Variants in GALNT13 observed in about 807,000 individuals in gnomAD.
GALNT13 encodes the protein polypeptide N-acetylgalactosaminyltransferase 13, also known as UDP-GalNAc:polypeptide N-acetylgalactosaminyltransferase 13.
A neutral mutation model predicts 64.2 loss-of-function variants in GALNT13; 28 were observed. That is an observed-to-expected ratio of 0.44 (90% confidence interval 0.32 to 0.60). The LOEUF (loss-of-function observed/expected upper bound fraction) is 0.60. Among genes scored for constraint, GALNT13 ranks in the 20% least tolerant of loss-of-function variants. The pLI is 0.05. For missense variants in GALNT13, 577 were observed against 669.8 expected (o/e 0.86, Z 1.53); for synonymous variants, 214 against 224.6 (o/e 0.95, Z 0.42).
At position 154,335,691 on chromosome 2, in the gene GALNT13, G is replaced by A. The variant is rs147928591; in HGVS notation, c.1156+34102G>A. 2.9e-3 allele frequency among the ~76,000 whole-genome samples: 438 copies of A among 151,950 alleles called. 1 individual carries two copies. Among genetic ancestry groups the A allele is most frequent in the Middle Eastern group, 0.014 (4 of 292 alleles). On this transcript the variant is annotated intron_variant, in intron 9 of 12. Transcript: ENST00000392825. Reference sequence around the variant, plus strand: ...ATTTATGCTTCATTAATTATAACGCGTAATATTATAGGGATTAATCAAAAT... The same window carrying A: ...ATTTATGCTTCATTAATTATAACGCATAATATTATAGGGATTAATCAAAAT...
At chr2:154,253,026 G>A (rs16836375) in intron 7 of GALNT13, among the ~76,000 whole-genome samples, 3,174 of 152,200 alleles carry the variant, frequency 0.021, 81 homozygotes, top group African/African-American at 0.064. Context: ...GGTAAACAGA[G>A]ATGTTTCTCC....
the GALNT13 span, among the ~76,000 whole-genome samples, chr2:153,282,552 C>T: frequency 6.6e-6 from 1 of 152,144 alleles, no homozygotes; most frequent in Non-Finnish European, 1.5e-5. Flanking sequence ...CTACCTGGGA[C>T]TATGGGTGCA....
chr2:154,434,413 C>G (rs1478811506), intron 11 of GALNT13, among the ~76,000 whole-genome samples: 1 of 152,148 alleles, frequency 6.6e-6, no homozygotes, highest in Non-Finnish European at 1.5e-5. Context: ...GCGCCCACCA[C>G]CACACCCTGC....
chr2:154,346,071 A>G (rs1323204433), intron 9 of GALNT13, among the ~76,000 whole-genome samples: 1 of 151,938 alleles, frequency 6.6e-6, no homozygotes, highest in African/African-American at 2.4e-5. Context: ...TAGTTCTGAG[A>G]CTCAGGTTCA....
the GALNT13 span, among the ~76,000 whole-genome samples, chr2:153,105,374 A>C: frequency 2.0e-5 from 3 of 152,130 alleles, no homozygotes; most frequent in Non-Finnish European, 4.4e-5. Context: ...GACGTATCTC[A>C]AAATAATAAG....
At chr2:154,026,430 G>A (rs554429417) in intron 3 of GALNT13, among the ~76,000 whole-genome samples, 1 of 152,296 alleles carries the variant, frequency 6.6e-6, no homozygotes. Flanking sequence ...CATCCAGGTA[G>A]AGGTGACCAG....
At chr2:153,560,303 G>A in the GALNT13 span, among the ~76,000 whole-genome samples, 1 of 151,866 alleles carries the variant, frequency 6.6e-6, no homozygotes, top group African/African-American at 2.4e-5. Flanking sequence ...GTACATACAT[G>A]TTTTATATTT....
intron 4 of GALNT13, among the ~76,000 whole-genome samples, chr2:154,241,049 C>A (rs1362033062): frequency 6.6e-6 from 1 of 152,104 alleles, no homozygotes; most frequent in Non-Finnish European, 1.5e-5. Context: ...TCTAGCCGTC[C>A]GTGCCTTCCT....
intron 9 of GALNT13, among the ~76,000 whole-genome samples, chr2:154,373,849 A>G (rs1697833009): frequency 6.6e-6 from 1 of 152,218 alleles, no homozygotes; most frequent in African/African-American, 2.4e-5. Context: ...AGTGTGAACA[A>G]TAACAAAGAT....
chr2:154,358,830 ATG>A (rs1369388346), intron 9 of GALNT13, among the ~76,000 whole-genome samples: 2 of 152,124 alleles, frequency 1.3e-5, no homozygotes, highest in Admixed American at 1.3e-4. Flanking sequence ...AATGGAAGAA[ATG>A]TGTGACTTGC....
chr2:153,090,463 G>A, the GALNT13 span, among the ~76,000 whole-genome samples: 331 of 152,290 alleles, frequency 2.2e-3, no homozygotes, highest in African/African-American at 7.7e-3. Flanking sequence ...TACACACTCG[G>A]GACCTCTGGT....
intron 2 of GALNT13, among the ~76,000 whole-genome samples, chr2:153,935,337 A>T (rs978378876): frequency 6.6e-6 from 1 of 152,174 alleles, no homozygotes; most frequent in Non-Finnish European, 1.5e-5. Flanking sequence ...TCCATGGCTC[A>T]CTCAGCCCAT....
the GALNT13 span, among the ~76,000 whole-genome samples, chr2:153,301,321 A>AAAAAAAAAAAAAAAG: frequency 3.0e-5 from 3 of 98,836 alleles, no homozygotes; most frequent in Non-Finnish European, 7.3e-5. Context: ...AAAAAAAAGA[A>AAAAAAAAAAAAAAAG]AAAAAAAAAG....
chr2:153,173,053 A>ATATTACT, the GALNT13 span, among the ~76,000 whole-genome samples: 1 of 151,492 alleles, frequency 6.6e-6, no homozygotes, highest in South Asian at 2.1e-4. Flanking sequence ...GAACATTACA[A>ATATTACT]GATATATGTA....
chr2:153,114,178 C>T, the GALNT13 span, among the ~76,000 whole-genome samples: 1 of 152,076 alleles, frequency 6.6e-6, no homozygotes, highest in Non-Finnish European at 1.5e-5. Context: ...ACCTGCCTCA[C>T]CATAAATGCC....
At chr2:153,313,220 C>T in the GALNT13 span, among the ~76,000 whole-genome samples, 203 of 152,184 alleles carry the variant, frequency 1.3e-3, 3 homozygotes, top group East Asian at 0.032. Flanking sequence ...ATCATTCTAT[C>T]ATAAACGATT....
chr2:154,301,117 C>A (rs1297946418), intron 8 of GALNT13, among the ~76,000 whole-genome samples: 2 of 152,032 alleles, frequency 1.3e-5, no homozygotes, highest in African/African-American at 2.4e-5. Context: ...GGTACCAAAT[C>A]TACTAACTAG....
chr2:153,965,548 C>T (rs908848708), intron 3 of GALNT13, among the ~76,000 whole-genome samples: 1 of 152,070 alleles, frequency 6.6e-6, no homozygotes, highest in Non-Finnish European at 1.5e-5. Context: ...TTTGTGATTA[C>T]ATATATAGAA....
intron 1 of GALNT13, among the ~76,000 whole-genome samples, chr2:153,874,280 C>T (rs1399348137): frequency 1.3e-5 from 2 of 151,910 alleles, no homozygotes; most frequent in Non-Finnish European, 2.9e-5. Context: ...CAGGATTTCA[C>T]ATCTCTCCTT....
Sources: allele counts gnomAD v4.1 joint callset (sites outside exome capture counted in the v4.1 genomes callset), GRCh38; gene constraint gnomAD v4.1.1; transcripts MANE v1.5; gene names NCBI Gene and HGNC (gene_info 2026-07-23, HGNC 2026-07-21).